ASB7: variants seen among roughly 807,000 people sequenced by gnomAD.
The protein encoded by ASB7 is ankyrin repeat and SOCS box containing 7.
In ASB7, 4 loss-of-function variants were observed where a neutral mutation model predicts 32.5. The observed-to-expected ratio is 0.12, with a 90% CI of 0.06 to 0.28. The LOEUF (loss-of-function observed/expected upper bound fraction) is 0.28. Ranked by LOEUF, ASB7 falls within the 10% of genes least tolerant of loss-of-function variation. ASB7 has a pLI of 1.00. For missense variants in ASB7, 181 were observed against 407.1 expected (o/e 0.44, Z 4.78); for synonymous variants, 172 against 155.6 (o/e 1.11, Z -0.78).
At chr15:100,607,670 T>G (rs1269272825) in intron 2 of ASB7, among the ~76,000 whole-genome samples, 1 of 152,210 alleles carries the variant, frequency 6.6e-6, no homozygotes, top group East Asian at 1.9e-4. Flanking sequence ...TTTAAAAAAT[T>G]CATTTTAAGT....
intron 4 of ASB7, among the ~76,000 whole-genome samples, chr15:100,616,807 G>C (rs1365448288): frequency 6.6e-6 from 1 of 152,178 alleles, no homozygotes; most frequent in Non-Finnish European, 1.5e-5. Flanking sequence ...CTGCCCACTT[G>C]CTTATGGCCA....
intron 4 of ASB7, among the ~76,000 whole-genome samples, chr15:100,628,597 A>G (rs1454768102): frequency 6.6e-6 from 1 of 152,216 alleles, no homozygotes; most frequent in African/African-American, 2.4e-5. Flanking sequence ...CAGGGATGCC[A>G]TGGGGTGAAC....
chr15:100,620,313 A>AT (rs1327406829), intron 4 of ASB7, among the ~76,000 whole-genome samples: 2 of 152,102 alleles, frequency 1.3e-5, no homozygotes, highest in African/African-American at 4.8e-5. Context: ...ATTATTTCTA[A>AT]TTTTTTAATC....
chr15:100,625,511 T>C (rs1216913097), intron 4 of ASB7, among the ~76,000 whole-genome samples: 3 of 152,190 alleles, frequency 2.0e-5, no homozygotes, highest in Non-Finnish European at 2.9e-5. Flanking sequence ...ACAAAAGATA[T>C]GCATGACGTA....
intron 5 of ASB7, among the ~76,000 whole-genome samples, chr15:100,633,578 GAA>G (rs371711115): frequency 2.0e-4 from 28 of 138,292 alleles, no homozygotes; most frequent in African/African-American, 6.7e-4. Flanking sequence ...ACTCTCTCAA[GAA>G]AAAAAAGAGG....
intron 2 of ASB7, among the ~76,000 whole-genome samples, chr15:100,605,024 A>G (rs2039631005): frequency 6.6e-6 from 1 of 152,202 alleles, no homozygotes; most frequent in Non-Finnish European, 1.5e-5. Flanking sequence ...TGGTAAAGGG[A>G]AGGAGTCTGT....
At chr15:100,612,452 T>C (rs1453971106) in intron 4 of ASB7, 25 bp downstream of exon 4, 3 of 1,558,952 alleles carry the variant, frequency 1.9e-6, no homozygotes, top group Non-Finnish European at 2.7e-6. Flanking sequence ...AGCAAATCTT[T>C]TTCCCCATGG....
intron 4 of ASB7, among the ~76,000 whole-genome samples, chr15:100,618,966 A>C (rs2039768042): frequency 1.3e-5 from 2 of 152,210 alleles, no homozygotes; most frequent in African/African-American, 4.8e-5. Context: ...TAATTCACCC[A>C]AGGTCATTAC....
At chr15:100,626,397 C>T (rs566143796) in intron 4 of ASB7, among the ~76,000 whole-genome samples, 1 of 152,256 alleles carries the variant, frequency 6.6e-6, no homozygotes, top group South Asian at 2.1e-4. Context: ...ATTAAAAGCA[C>T]AATAAGCCAC....
intron 4 of ASB7, among the ~76,000 whole-genome samples, chr15:100,618,806 C>G (rs1420982325): frequency 6.6e-6 from 1 of 152,226 alleles, no homozygotes; most frequent in South Asian, 2.1e-4. Flanking sequence ...ATATGGGACT[C>G]TCCTTCTGGT....
chr15:100,646,418 C>G, intron 5 of ASB7: 1 of 420,156 alleles, frequency 2.4e-6, no homozygotes. Flanking sequence ...CTTTCCACAA[C>G]TTCTTTTAAG....
Position 100,612,277 on chromosome 15 carries a change from G to A in ASB7, c.61G>A (p.Ala21Thr), listed in dbSNP as rs543628587. 1 of 1,614,134 alleles carries A rather than the reference G, an allele frequency of 6.2e-7. No individual in the cohort carries two copies. Among genetic ancestry groups the A allele is most frequent in the African/African-American group, 1.3e-5 (1 of 75,040 alleles). ...CCAGGAAGAGTTGCAGATTCAGGCC[G>A]CGGTGGCTGCTGGGGATGTCCACAC... ...ELQEELQIQA[A>T]VAAGDVHTVR... The change falls in exon 4 of 6, where the codon GCG (alanine) becomes ACG (threonine). Residue 21 changes from alanine to threonine, a missense_variant. By Grantham distance (58) the Ala-to-Thr change is moderately conservative (BLOSUM62 0). Transcript: ENST00000332783.
rs764077861 is a variant in ASB7, at chr15:100,612,190, C to T, written c.-27C>T. 3.8e-6 allele frequency: 6 copies of T among 1,575,702 alleles called. 1 individual carries two copies. In the South Asian group the frequency reaches 5.5e-5, roughly 15 times the overall value. On this transcript the variant is annotated 5_prime_UTR_variant, in exon 4 of 6. Coordinates refer to ENST00000332783, the MANE Select transcript of ASB7 (RefSeq NM_198243.3). Reference sequence around the variant, plus strand: ...GGCTGATCCCCGTAACCTAATGAATCCTTTGTAAAAAGTGGACTCAGCTAG... The same window carrying T: ...GGCTGATCCCCGTAACCTAATGAATTCTTTGTAAAAAGTGGACTCAGCTAG...
chr15:100,609,979 C>T (rs542849565), intron 3 of ASB7, among the ~76,000 whole-genome samples, 151 bp downstream of exon 3: 1 of 152,294 alleles, frequency 6.6e-6, no homozygotes, highest in African/African-American at 2.4e-5. Flanking sequence ...CAGTCTTTTT[C>T]TTGCATGGTA....
chr15:100,623,633 G>A (rs2039811848), intron 4 of ASB7, among the ~76,000 whole-genome samples: 1 of 152,170 alleles, frequency 6.6e-6, no homozygotes, highest in African/African-American at 2.4e-5. Context: ...TACGGTGTTG[G>A]TGGGACTGTC....
In ASB7 at chr15:100,602,740, G is replaced by A. The variant is rs1007612464; in HGVS notation, c.-579G>A. ...CCGAGACCTCCTGGGTCCCTCCGTA[G>A]CTGGAAGCCTCCGGCCCGGAGCGCG... On this transcript the variant is annotated 5_prime_UTR_variant, in exon 1 of 6. Transcript: ENST00000332783. 4 of 377,190 alleles carry A rather than the reference G, an allele frequency of 1.1e-5. No individual in the cohort carries two copies. Among genetic ancestry groups the A allele is most frequent in the Non-Finnish European group, 1.9e-5 (4 of 212,982 alleles). The allele number at this position is 377,190 out of a possible 1,614,324, so 23.4% of individuals were successfully genotyped here.
intron 5 of ASB7, among the ~76,000 whole-genome samples, chr15:100,639,843 A>G (rs1413333770): frequency 6.6e-6 from 1 of 152,146 alleles, no homozygotes; most frequent in Admixed American, 6.5e-5. Flanking sequence ...ATTACTTTCT[A>G]TTTTTAATAT....
intron 2 of ASB7, among the ~76,000 whole-genome samples, chr15:100,604,396 A>G (rs142316480): frequency 8.5e-5 from 13 of 152,340 alleles, no homozygotes; most frequent in African/African-American, 3.1e-4. Context: ...CAAAAGTATA[A>G]AGTGACTTGT....
intron 4 of ASB7, among the ~76,000 whole-genome samples, chr15:100,619,122 G>A (rs536942941): frequency 6.6e-6 from 1 of 152,264 alleles, no homozygotes; most frequent in South Asian, 2.1e-4. Flanking sequence ...GTGGACGAGT[G>A]CAAGGAAGAC....
Sources: gnomAD v4.1 joint callset for allele counts (sites outside exome capture counted in the v4.1 genomes callset) on GRCh38, gnomAD v4.1.1 for gene constraint, MANE v1.5 for transcripts, NCBI Gene and HGNC (gene_info 2026-07-23, HGNC 2026-07-21) for gene names.